Variants in SEMA3A observed in about 807,000 individuals in gnomAD.
SEMA3A encodes semaphorin 3A, also known as semaphorin-3A.
A neutral mutation model predicts 97.9 loss-of-function variants in SEMA3A; 29 were observed. The ratio of observed to expected loss-of-function variants is 0.30; its 90% CI spans 0.22 to 0.40. SEMA3A has a LOEUF of 0.40. Among genes scored for constraint, SEMA3A ranks in the 10% least tolerant of loss-of-function variants. The pLI, the probability that SEMA3A is intolerant of heterozygous loss-of-function variation, is 1.00. For missense variants in SEMA3A, 763 were observed against 951.3 expected (o/e 0.80, Z 2.60); for synonymous variants, 321 against 323.7 (o/e 0.99, Z 0.09).
chr7:83,968,244 G>C (rs1317020188), intron 15 of SEMA3A, among the ~76,000 whole-genome samples: 2 of 152,184 alleles, frequency 1.3e-5, no homozygotes. Context: ...CAGTTGATCT[G>C]AGAGCAGTTT....
chr7:84,155,197 C>T (rs1427355940), intron 1 of SEMA3A, among the ~76,000 whole-genome samples: 4 of 152,138 alleles, frequency 2.6e-5, no homozygotes, highest in Non-Finnish European at 5.9e-5. Context: ...CACTCTTCCC[C>T]GTGAAGATTT....
intron 3 of SEMA3A, among the ~76,000 whole-genome samples, chr7:84,216,317 G>C (rs1469809152): frequency 2.0e-5 from 3 of 152,112 alleles, no homozygotes; most frequent in Non-Finnish European, 4.4e-5. Flanking sequence ...ATGTTGGCCA[G>C]GATGGTCTCA....
chr7:84,189,084 T>G (rs1797965671), intron 1 of SEMA3A, among the ~76,000 whole-genome samples: 1 of 151,772 alleles, frequency 6.6e-6, no homozygotes, highest in Non-Finnish European at 1.5e-5. Flanking sequence ...ATATAGTGCA[T>G]TAGAAATCAT....
At chr7:84,106,398 C>G (rs539628461) in intron 4 of SEMA3A, among the ~76,000 whole-genome samples, 35 of 152,224 alleles carry the variant, frequency 2.3e-4, no homozygotes, top group Admixed American at 7.9e-4. Context: ...ATAGGCTCCA[C>G]CATGTAGCCT....
chr7:84,182,389 G>T lies in SEMA3A; in HGVS notation c.112+12086C>A, dbSNP rs908005122. ...ATTACGCCATTTTAGAGGATATGTT[G>T]TAAGTACAGAAGCAAATAAAACTAG... On this transcript the variant is annotated intron_variant, in intron 1 of 16. Coordinates refer to ENST00000265362, the MANE Select transcript of SEMA3A (RefSeq NM_006080.3). 2.0e-5 allele frequency among the ~76,000 whole-genome samples: 3 copies of T among 152,106 alleles called. No homozygotes were observed. The East Asian group carries it at 5.8e-4, about 29-fold the overall frequency.
At chr7:84,256,306 A>C (rs911321606) in intron 3 of SEMA3A, among the ~76,000 whole-genome samples, 1 of 152,038 alleles carries the variant, frequency 6.6e-6, no homozygotes, top group African/African-American at 2.4e-5. Context: ...TCATTATTTA[A>C]AAGTAATGAT....
rs528620693 is a variant in SEMA3A at position 84,050,782 on chromosome 7, C to T, written c.548-4339G>A. On this transcript the variant is annotated intron_variant, in intron 5 of 16. Transcript: ENST00000265362. The stretch of plus-strand genomic sequence containing the variant: ...TGGTGTTTTAGACATGAAGTCCTTG[C>T]CCATGCTTATGTCCTGAATGGTAAT... Among the ~76,000 whole-genome samples the T allele has an allele frequency of 6.4e-4, 97 of 152,210 alleles. 1 individual carries two copies. The South Asian group carries it at 0.02, about 31-fold the overall frequency.
chr7:84,052,601 T>C lies in SEMA3A; in HGVS notation c.548-6158A>G, dbSNP rs576851411. On this transcript the variant is annotated intron_variant, in intron 5 of 16. Transcript: ENST00000265362. The stretch of plus-strand genomic sequence containing the variant: ...ATTGTGTCTATTTGATTCTTCTCTC[T>C]TTTTTTCTTTATTAGTCTTGCTAGC... 3.4e-4 allele frequency among the ~76,000 whole-genome samples: 52 copies of C among 152,222 alleles called. No individual in the cohort carries two copies. The South Asian group carries it at 0.011, about 31-fold the overall frequency.
intron 2 of SEMA3A, among the ~76,000 whole-genome samples, chr7:84,362,671 T>C (rs1336647353): frequency 1.3e-5 from 2 of 152,062 alleles, no homozygotes; most frequent in African/African-American, 2.4e-5. Flanking sequence ...TAACTATTGT[T>C]AACTATTTGT....
intron 3 of SEMA3A, among the ~76,000 whole-genome samples, chr7:84,270,902 C>T (rs957793491): frequency 5.3e-5 from 8 of 151,936 alleles, no homozygotes; most frequent in African/African-American, 1.7e-4. Flanking sequence ...ATGGAACTTT[C>T]AGGTAGATTA....
chr7:84,266,652 C>T (rs143597713), intron 3 of SEMA3A, among the ~76,000 whole-genome samples: 13 of 152,186 alleles, frequency 8.5e-5, no homozygotes, highest in Non-Finnish European at 1.3e-4. Context: ...ACGTAAGGTG[C>T]CAACTGGCAC....
intron 3 of SEMA3A, among the ~76,000 whole-genome samples, chr7:84,295,057 C>G (rs1800834425): frequency 6.6e-6 from 1 of 151,960 alleles, no homozygotes; most frequent in Non-Finnish European, 1.5e-5. Context: ...GTATTATGTT[C>G]ATTCCATCCA....
chr7:84,042,613 A>G (rs1448171288), intron 6 of SEMA3A, among the ~76,000 whole-genome samples: 1 of 152,074 alleles, frequency 6.6e-6, no homozygotes, highest in Non-Finnish European at 1.5e-5. Flanking sequence ...AGTGTTTTTT[A>G]TACATTAATA....
intron 2 of SEMA3A, among the ~76,000 whole-genome samples, chr7:84,130,900 A>G (rs1481869792): frequency 2.0e-5 from 3 of 152,078 alleles, no homozygotes; most frequent in Non-Finnish European, 4.4e-5. Flanking sequence ...ATATAAAAAT[A>G]TATATACTTA....
rs753296625 is a variant in SEMA3A, at chr7:84,127,129, C to G, written c.333+1994G>C. Among the ~76,000 whole-genome samples the G allele has an allele frequency of 2.8e-3, 421 of 152,036 alleles. 4 individuals are homozygous for G. The highest frequency in any genetic ancestry group is 0.014 in the Middle Eastern group (4 of 294). On this transcript the variant is annotated intron_variant, in intron 3 of 16. Coordinates refer to ENST00000265362, the MANE Select transcript of SEMA3A (RefSeq NM_006080.3). ...CTCCTTACCTAACTCTAGTCAGACT[C>G]TCCTGAACTCTCTTCACAAGAAGGC...
At chr7:84,248,974 G>A (rs191892398) in intron 3 of SEMA3A, among the ~76,000 whole-genome samples, 18 of 152,272 alleles carry the variant, frequency 1.2e-4, no homozygotes, top group Middle Eastern at 6.8e-3. Flanking sequence ...CTATGAACAA[G>A]TTCTAACCTC....
chr7:84,323,731 T>G (rs1220361845), intron 2 of SEMA3A, among the ~76,000 whole-genome samples: 1 of 152,196 alleles, frequency 6.6e-6, no homozygotes, highest in Non-Finnish European at 1.5e-5. Context: ...GATGTGCGCC[T>G]TAGTCATGCA....
chr7:84,031,040 T>A (rs1791731831), intron 6 of SEMA3A, among the ~76,000 whole-genome samples: 1 of 140,734 alleles, frequency 7.1e-6, no homozygotes, highest in East Asian at 2.3e-4. Context: ...GTCGCCAGGC[T>A]GGAGTGCAGT....
chr7:84,289,961 T>A (rs532555010), intron 3 of SEMA3A, among the ~76,000 whole-genome samples: 13 of 152,242 alleles, frequency 8.5e-5, no homozygotes, highest in African/African-American at 3.1e-4. Context: ...TAATGATACA[T>A]GCTAAAATTG....
Sources: allele counts gnomAD v4.1 joint callset (sites outside exome capture counted in the v4.1 genomes callset), GRCh38; gene constraint gnomAD v4.1.1; transcripts MANE v1.5; gene names NCBI Gene and HGNC (gene_info 2026-07-23, HGNC 2026-07-21).